LMNB1: variants seen among roughly 807,000 people sequenced by gnomAD.
LMNB1 encodes the protein lamin-B1.
A neutral mutation model predicts 67.1 loss-of-function variants in LMNB1; 23 were observed. The observed-to-expected ratio is 0.34, with a 90% confidence interval of 0.25 to 0.49. The LOEUF is 0.49. LMNB1 is among the 20% of genes least tolerant of loss of function. LMNB1 has a pLI of 0.99. For missense variants in LMNB1, 634 were observed against 746.5 expected, an observed-to-expected ratio of 0.85 and a Z score of 1.76; for synonymous variants, 281 against 282.9, an observed-to-expected ratio of 0.99 and a Z score of 0.07.
At chr5:126,803,141 G>A (rs985378360) in intron 1 of LMNB1, among the ~76,000 whole-genome samples, 5 of 147,834 alleles carry the variant, frequency 3.4e-5, no homozygotes, top group Non-Finnish European at 7.4e-5. Flanking sequence ...AGCCGAGATC[G>A]CCCCACTGCG....
chr5:126,816,601 C>T (rs536965420), intron 5 of LMNB1, among the ~76,000 whole-genome samples: 1 of 152,308 alleles, frequency 6.6e-6, no homozygotes, highest in African/African-American at 2.4e-5. Flanking sequence ...ATTTGGATTT[C>T]ACCAGTTCTT....
At chr5:126,800,951 C>CTACATATATATATATATATATATATATA (rs1210732092) in intron 1 of LMNB1, among the ~76,000 whole-genome samples, 2 of 47,322 alleles carry the variant, frequency 4.2e-5, no homozygotes, top group African/African-American at 1.4e-4. Context: ...TGCAGCCAGA[C>CTACATATATATATATATATATATATATA]TATATATATA....
intron 8 of LMNB1, among the ~76,000 whole-genome samples, chr5:126,823,125 C>T (rs1416594911): frequency 1.3e-5 from 2 of 152,172 alleles, no homozygotes; most frequent in Non-Finnish European, 2.9e-5. Context: ...AAAGCTATCT[C>T]TAGGCTGATA....
At chr5:126,815,121 A>C (rs1751676483) in intron 5 of LMNB1, 1 of 152,224 alleles carries the variant, frequency 6.6e-6, no homozygotes. Context: ...AATCATCAAA[A>C]ATAAAAATGT....
At chr5:126,778,869 C>T (rs546377018) in intron 1 of LMNB1, among the ~76,000 whole-genome samples, 2 of 152,302 alleles carry the variant, frequency 1.3e-5, no homozygotes, top group African/African-American at 4.8e-5. Context: ...TTGTAATTCA[C>T]CTAAGCGAGT....
At chr5:126,833,242 CATT>C (rs1752175652) in intron 10 of LMNB1, among the ~76,000 whole-genome samples, 2 of 152,174 alleles carry the variant, frequency 1.3e-5, no homozygotes, top group Admixed American at 1.3e-4. Context: ...AGTTCCTAAT[CATT>C]ATCTAATTGA....
At chr5:126,826,424 C>G (rs2126734646) in intron 9 of LMNB1, among the ~76,000 whole-genome samples, 1 of 152,250 alleles carries the variant, frequency 6.6e-6, no homozygotes, top group Non-Finnish European at 1.5e-5. Context: ...ATTAATGACA[C>G]AATATCCATG....
rs753352125 is a variant in LMNB1 at position 126,822,886 on chromosome 5, G to GT, written c.1491+2dup. On this transcript the variant is annotated splice_donor_variant, in intron 8 of 10. Transcript: ENST00000261366. LOFTEE classifies it high-confidence loss of function. ...GCTGAAGGCAGGCCAGACTGTTACAGTAAGTGAATCTAGTCATCATTTAAT... is the reference window on the plus strand; with the variant it reads ...GCTGAAGGCAGGCCAGACTGTTACAGTTAAGTGAATCTAGTCATCATTTAAT... 6.5e-7 allele frequency: 1 copy of GT among 1,540,588 alleles called. No homozygotes were observed. Among genetic ancestry groups the GT allele is most frequent in the Non-Finnish European group, 9.0e-7 (1 of 1,114,370 alleles).
chr5:126,795,816 G>A (rs1463074841), intron 1 of LMNB1, among the ~76,000 whole-genome samples: 1 of 151,470 alleles, frequency 6.6e-6, no homozygotes, highest in East Asian at 1.9e-4. Context: ...TTAGTTAGAC[G>A]GGGCTTCACC....
At chr5:126,788,589 G>GTTGCAGTGAGCTGAGA in intron 1 of LMNB1, among the ~76,000 whole-genome samples, 1 of 152,162 alleles carries the variant, frequency 6.6e-6, no homozygotes, top group South Asian at 2.1e-4. Context: ...GTGGGCGGAG[G>GTTGCAGTGAGCTGAGA]TTGCAGTGAG....
chr5:126,784,809 T>G (rs1014750259), intron 1 of LMNB1, among the ~76,000 whole-genome samples: 6 of 148,830 alleles, frequency 4.0e-5, no homozygotes, highest in South Asian at 2.1e-4. Context: ...ACAGGCGCCC[T>G]CCACCACGCC....
intron 3 of LMNB1, among the ~76,000 whole-genome samples, chr5:126,808,377 CTAAG>C (rs1346049224): frequency 6.7e-6 from 1 of 149,994 alleles, no homozygotes; most frequent in Non-Finnish European, 1.5e-5. Flanking sequence ...TTACTTTTTA[CTAAG>C]TAATACCATG....
chr5:126,796,565 G>A (rs748544767), intron 1 of LMNB1, among the ~76,000 whole-genome samples: 1 of 152,122 alleles, frequency 6.6e-6, no homozygotes, highest in Non-Finnish European at 1.5e-5. Context: ...AAGGTGCTTA[G>A]GAGCATTTTA....
At chr5:126,790,880 G>T (rs185055594) in intron 1 of LMNB1, among the ~76,000 whole-genome samples, 2 of 151,928 alleles carry the variant, frequency 1.3e-5, no homozygotes, top group African/African-American at 4.8e-5. Context: ...AAATTAGCCG[G>T]TGTGGTGGTG....
intron 3 of LMNB1, among the ~76,000 whole-genome samples, chr5:126,808,160 C>T (rs1324317483): frequency 6.6e-6 from 1 of 151,412 alleles, no homozygotes; most frequent in Non-Finnish European, 1.5e-5. Context: ...TTGTGAGCCA[C>T]CGCACCTGGC....
At chr5:126,830,281 G>T (rs72780213) in intron 9 of LMNB1, among the ~76,000 whole-genome samples, 14,751 of 152,196 alleles carry the variant, frequency 0.097, 757 homozygotes, top group Middle Eastern at 0.2. Context: ...CCCAAGGCTC[G>T]CAGCAGGGGC....
chr5:126,807,073 G>A (rs545450305), intron 3 of LMNB1, among the ~76,000 whole-genome samples: 4 of 152,256 alleles, frequency 2.6e-5, no homozygotes, highest in East Asian at 3.9e-4. Context: ...CACCGTGCCC[G>A]GCTCACTCAT....
intron 7 of LMNB1, among the ~76,000 whole-genome samples, chr5:126,821,364 G>C (rs1009260121): frequency 6.6e-6 from 1 of 152,190 alleles, no homozygotes; most frequent in African/African-American, 2.4e-5. Context: ...CTTCTTTAGA[G>C]GGCCAGGGCT....
At chr5:126,807,769 A>T (rs192484136) in intron 3 of LMNB1, among the ~76,000 whole-genome samples, 2 of 152,352 alleles carry the variant, frequency 1.3e-5, no homozygotes, top group East Asian at 3.9e-4. Flanking sequence ...AGTAAAAAGT[A>T]ATTTAATATT....
Sources: allele counts gnomAD v4.1 joint callset (sites outside exome capture counted in the v4.1 genomes callset), GRCh38; gene constraint gnomAD v4.1.1; transcripts MANE v1.5; gene names NCBI Gene and HGNC (gene_info 2026-07-23, HGNC 2026-07-21).